Variants in MCTP1 observed in about 807,000 individuals in gnomAD.
MCTP1 encodes the protein multiple C2 and transmembrane domain containing 1.
MCTP1 carries 69 observed loss-of-function variants against 120.6 expected under a neutral mutation model. The observed-to-expected ratio is 0.57, with a 90% CI of 0.47 to 0.70. MCTP1 has a LOEUF of 0.70. Ranked by LOEUF, MCTP1 falls within the 30% of genes least tolerant of loss-of-function variation. MCTP1 has a pLI of 0.00. For missense variants in MCTP1, 1,203 were observed against 1,248.8 expected, an observed-to-expected ratio of 0.96 and a Z score of 0.55; for synonymous variants, 529 against 493.1, an observed-to-expected ratio of 1.07 and a Z score of -0.96.
At chr5:94,739,301 C>A (rs185783989) in intron 19 of MCTP1, 28 of 152,272 alleles carry the variant, frequency 1.8e-4, no homozygotes, top group African/African-American at 6.5e-4. Flanking sequence ...GAATGTGGTT[C>A]GATCAACAGG....
chr5:95,100,436 G>A (rs956311830), intron 1 of MCTP1, among the ~76,000 whole-genome samples: 1 of 151,968 alleles, frequency 6.6e-6, no homozygotes, highest in Admixed American at 6.5e-5. Flanking sequence ...CTAGGGACTT[G>A]GTCCTCTTCT....
At chr5:95,177,286 A>T (rs535254471) in intron 1 of MCTP1, among the ~76,000 whole-genome samples, 1 of 152,276 alleles carries the variant, frequency 6.6e-6, no homozygotes, top group Non-Finnish European at 1.5e-5. Flanking sequence ...CCCTAGGCAG[A>T]GCTGTAGGGA....
chr5:94,968,286 G>C (rs1437119), intron 2 of MCTP1, among the ~76,000 whole-genome samples: 110,072 of 152,046 alleles, frequency 0.72, 40,341 homozygotes, highest in African/African-American at 0.81. Context: ...TTCCTTTTCT[G>C]TAGCCTTTAA....
intron 1 of MCTP1, among the ~76,000 whole-genome samples, chr5:95,087,634 G>C (rs1027564880): frequency 2.6e-5 from 4 of 152,188 alleles, no homozygotes; most frequent in African/African-American, 9.7e-5. Context: ...GGCCAGAAGT[G>C]TCCCATGGAC....
At chr5:94,753,293 C>T (rs900068116) in intron 19 of MCTP1, among the ~76,000 whole-genome samples, 3 of 152,178 alleles carry the variant, frequency 2.0e-5, no homozygotes, top group African/African-American at 7.2e-5. Context: ...TAGGAAACAC[C>T]TTTTCTCCTA....
intron 1 of MCTP1, among the ~76,000 whole-genome samples, chr5:95,248,937 G>T (rs1215281946): frequency 7.9e-5 from 12 of 152,160 alleles, no homozygotes. Context: ...AATAAATGGT[G>T]CTGGGAAAAC....
rs528527453 is a variant in MCTP1 at position 95,212,815 on chromosome 5, C to T, written c.720+71041G>A. On this transcript the variant is annotated intron_variant, in intron 1 of 22. Transcript: ENST00000515393. ...AAGGCCTTTGAAAAAATTCAACAAC[C>T]CTTCATGTTAAAAACTCTCAATAAA... is the stretch of plus-strand genomic sequence containing the variant. Among the ~76,000 whole-genome samples, 9 of 151,982 alleles carry T rather than the reference C, an allele frequency of 5.9e-5. No individual in the cohort carries two copies. The East Asian group carries it at 1.2e-3, about 20-fold the overall frequency.
chr5:95,032,482 G>A (rs537572007), intron 1 of MCTP1, among the ~76,000 whole-genome samples: 14 of 151,924 alleles, frequency 9.2e-5, no homozygotes, highest in African/African-American at 1.9e-4. Context: ...TCTTGTTTCC[G>A]AAGAACTTTG....
intron 5 of MCTP1, among the ~76,000 whole-genome samples, chr5:94,934,938 CAGAAAGAACTCAAACACACTA>C (rs1371117283): frequency 3.3e-5 from 5 of 151,732 alleles, no homozygotes; most frequent in Admixed American, 1.3e-4. Flanking sequence ...GAAAAAGAGC[CAGAAAGAACTCAAACACACTA>C]TCAGACAAAT....
intron 1 of MCTP1, among the ~76,000 whole-genome samples, chr5:95,252,713 T>G (rs1164903769): frequency 1.3e-5 from 2 of 152,134 alleles, no homozygotes; most frequent in African/African-American, 2.4e-5. Flanking sequence ...TTTTCCCTAT[T>G]TTTTTATTTC....
At chr5:95,045,198 G>A (rs1034313727) in intron 1 of MCTP1, among the ~76,000 whole-genome samples, 3 of 152,116 alleles carry the variant, frequency 2.0e-5, no homozygotes, top group African/African-American at 7.2e-5. Context: ...CTATTGGCAG[G>A]ACTAGCTCCT....
intron 1 of MCTP1, among the ~76,000 whole-genome samples, chr5:95,098,042 T>C (rs555831847): frequency 9.8e-5 from 15 of 152,352 alleles, no homozygotes; most frequent in African/African-American, 3.4e-4. Context: ...TTCAACTCAA[T>C]GATTTCTGAT....
At chr5:94,903,449 C>T (rs1179167860) in intron 10 of MCTP1, among the ~76,000 whole-genome samples, 2 of 152,190 alleles carry the variant, frequency 1.3e-5, no homozygotes, top group African/African-American at 4.8e-5. Flanking sequence ...CTTGAACACA[C>T]ATTTGTGTTC....
rs1374029364 is a variant in MCTP1 at position 94,829,696 on chromosome 5, TA to T, written c.2437-30565del. Among the ~76,000 whole-genome samples, 6 of 152,164 alleles carry T rather than the reference TA, an allele frequency of 3.9e-5. No homozygotes were observed. In the East Asian group the frequency reaches 1.2e-3, roughly 29 times the overall value. ...TCCTAAAAGGAAGAAAGGGAGCATG[TA>T]AAAATAGATGAGAGAAAAGTAAGGT... On this transcript the variant is annotated intron_variant, in intron 17 of 22. Coordinates refer to ENST00000515393, the MANE Select transcript of MCTP1 (RefSeq NM_024717.7).
At chr5:95,239,453 T>C (rs1256876181) in intron 1 of MCTP1, among the ~76,000 whole-genome samples, 1 of 152,194 alleles carries the variant, frequency 6.6e-6, no homozygotes, top group East Asian at 1.9e-4. Context: ...AAGAGTTTAA[T>C]TAAAGATGTT....
intron 1 of MCTP1, among the ~76,000 whole-genome samples, chr5:95,146,038 T>A (rs1437650933): frequency 3.9e-5 from 6 of 152,082 alleles, no homozygotes; most frequent in African/African-American, 1.2e-4. Context: ...TCTTTTTTTT[T>A]AATTACTGAT....
intron 1 of MCTP1, among the ~76,000 whole-genome samples, chr5:95,261,236 AT>A (rs1474459332): frequency 6.6e-6 from 1 of 152,236 alleles, no homozygotes; most frequent in East Asian, 1.9e-4. Context: ...ACTCTGATCC[AT>A]AATAAACACC....
chr5:95,049,099 AAAG>A (rs1291709418), intron 1 of MCTP1, among the ~76,000 whole-genome samples: 8 of 152,158 alleles, frequency 5.3e-5, no homozygotes, highest in African/African-American at 1.9e-4. Flanking sequence ...ATCTTTAATT[AAAG>A]AAGAATTATG....
chr5:95,239,627 G>A (rs905073572), intron 1 of MCTP1, among the ~76,000 whole-genome samples: 1 of 152,078 alleles, frequency 6.6e-6, no homozygotes, highest in African/African-American at 2.4e-5. Context: ...CAATGACTTT[G>A]CTAATTATTT....
Sources: allele counts gnomAD v4.1 joint callset (sites outside exome capture counted in the v4.1 genomes callset), GRCh38; gene constraint gnomAD v4.1.1; transcripts MANE v1.5; gene names NCBI Gene and HGNC (gene_info 2026-07-23, HGNC 2026-07-21).